Variants in COL24A1 observed in about 807,000 individuals in gnomAD.
The protein encoded by COL24A1 is collagen type XXIV alpha 1 chain, also known as collagen alpha-1(XXIV) chain.
In COL24A1, 224 loss-of-function variants were observed where a neutral mutation model predicts 253.9. The observed-to-expected ratio is 0.88, with a 90% CI of 0.79 to 0.99. The LOEUF (loss-of-function observed/expected upper bound fraction) is 0.99, where lower values mean the gene tolerates loss of function less well. COL24A1 is among the 50% of genes least tolerant of loss of function. The probability of loss-of-function intolerance (pLI) is 0.00; values close to 1 mark genes in which losing one functional copy is unlikely to be tolerated. For missense variants in COL24A1, 2,131 were observed against 2,068.5 expected (o/e 1.03, Z -0.59); for synonymous variants, 685 against 673.7 (o/e 1.02, Z -0.26).
chr1:85,833,713 A>T lies in COL24A1; in HGVS notation c.3681+4872T>A, dbSNP rs1008653875. Among the ~76,000 whole-genome samples the T allele has an allele frequency of 7.0e-4, 107 of 152,124 alleles. 1 individual carries two copies. Among genetic ancestry groups the T allele is most frequent in the Non-Finnish European group, 5.3e-4 (36 of 68,016 alleles). Reference sequence around the variant, plus strand: ...TCACAATAGCAAAGACTTGGAACCAACCCAAATGTCCAACAACGATAGACT... The same window carrying T: ...TCACAATAGCAAAGACTTGGAACCATCCCAAATGTCCAACAACGATAGACT... On this transcript the variant is annotated intron_variant, in intron 43 of 59. Coordinates refer to ENST00000370571, the MANE Select transcript of COL24A1 (RefSeq NM_152890.7).
intron 20 of COL24A1, among the ~76,000 whole-genome samples, chr1:85,973,124 C>T (rs1436477339): frequency 6.6e-6 from 1 of 152,190 alleles, no homozygotes; most frequent in Non-Finnish European, 1.5e-5. Flanking sequence ...TCTACACTGA[C>T]TGGAGGTACA....
intron 8 of COL24A1, among the ~76,000 whole-genome samples, chr1:86,059,968 G>A (rs560339142): frequency 6.6e-5 from 10 of 152,086 alleles, no homozygotes; most frequent in Non-Finnish European, 1.0e-4. Context: ...CCAGAATTGC[G>A]AGAAATTTCT....
At chr1:86,063,078 C>T (rs1324897) in intron 8 of COL24A1, among the ~76,000 whole-genome samples, 88 of 152,132 alleles carry the variant, frequency 5.8e-4, no homozygotes, top group African/African-American at 2.0e-3. Context: ...CACCATAAGA[C>T]ATATGACTTT....
At position 85,908,614 on chromosome 1, in the gene COL24A1, C is replaced by T; in HGVS notation, c.2708G>A (p.Gly903Asp). 6.7e-7 allele frequency: 1 copy of T among 1,484,224 alleles called. No individual in the cohort carries two copies. The highest frequency in any genetic ancestry group is 2.5e-5 in the East Asian group (1 of 40,500). The allele number at this position is 1,484,224 out of a possible 1,614,324, so 91.9% of individuals were successfully genotyped here. A position where few individuals can be genotyped will look rare whatever the true frequency, so the allele number is the denominator to read the frequency against. Reference protein sequence around the residue: ...PGPPGVPGPIGPLGLPGHVGA... With the variant: ...PGPPGVPGPIDPLGLPGHVGA... The stretch of plus-strand genomic sequence containing the variant: ...TGTACTTACAGGTAATCCCAATGGA[C>T]CGATAGGTCCTGGAACCCCAGGAGG... The change falls in exon 27 of 60, where the codon GGT becomes GAT. Residue 903 changes from glycine to aspartate, a missense_variant. Gly to Asp is a moderately conservative substitution (Grantham distance 94, BLOSUM62 -1). Transcript: ENST00000370571.
At chr1:86,095,985 G>A (rs937325068) in intron 5 of COL24A1, among the ~76,000 whole-genome samples, 2 of 152,082 alleles carry the variant, frequency 1.3e-5, no homozygotes, top group African/African-American at 4.8e-5. Context: ...ATTTATCTTA[G>A]ATTAGCATCT....
intron 24 of COL24A1, among the ~76,000 whole-genome samples, chr1:85,938,264 C>T (rs1688406978): frequency 6.8e-6 from 1 of 147,118 alleles, no homozygotes; most frequent in African/African-American, 2.5e-5. Flanking sequence ...CAGTGGAGGA[C>T]TCTGTGCTTT....
At chr1:86,045,428 C>G (rs1278248629) in intron 12 of COL24A1, among the ~76,000 whole-genome samples, 1 of 151,928 alleles carries the variant, frequency 6.6e-6, no homozygotes, top group Non-Finnish European at 1.5e-5. Flanking sequence ...TTTGAAGATA[C>G]AGAATGGAGT....
intron 19 of COL24A1, among the ~76,000 whole-genome samples, chr1:86,014,085 G>A (rs1479403045): frequency 6.6e-6 from 1 of 152,134 alleles, no homozygotes; most frequent in Non-Finnish European, 1.5e-5. Context: ...GTTATGCTGT[G>A]TATAACTCAT....
At chr1:86,117,763 AC>A (rs1706291899) in intron 3 of COL24A1, among the ~76,000 whole-genome samples, 1 of 152,214 alleles carries the variant, frequency 6.6e-6, no homozygotes, top group Admixed American at 6.5e-5. Flanking sequence ...AAGGTTAAGT[AC>A]TAAAAAAGGC....
chr1:85,739,008 G>A (rs950687104), intron 57 of COL24A1, among the ~76,000 whole-genome samples: 44 of 152,134 alleles, frequency 2.9e-4, no homozygotes, highest in African/African-American at 1.0e-3. Flanking sequence ...CTGGTCCAGG[G>A]ATCACATTTG....
At chr1:86,037,403 G>A (rs1308384069) in intron 12 of COL24A1, among the ~76,000 whole-genome samples, 2 of 152,182 alleles carry the variant, frequency 1.3e-5, no homozygotes, top group Non-Finnish European at 1.5e-5. Flanking sequence ...TCTCTTATGA[G>A]TTTGATGAAG....
At position 85,729,698 on chromosome 1, in the gene COL24A1, C is replaced by T. The variant is rs1663291790; in HGVS notation, c.*848G>A. The stretch of plus-strand genomic sequence containing the variant: ...CACAACCCCCAATCTGTACCCCAAA[C>T]CTACTACTAGATGTAGCTGGCCTAT... On this transcript the variant is annotated 3_prime_UTR_variant, in exon 60 of 60. Coordinates refer to ENST00000370571, the MANE Select transcript of COL24A1 (RefSeq NM_152890.7). The T allele has an allele frequency of 1.3e-5, 2 of 152,466 alleles. No homozygotes were observed. The highest frequency in any genetic ancestry group is 2.9e-5 in the Non-Finnish European group (2 of 67,990). The allele number at this position is 152,466 out of a possible 1,614,324, so 9.4% of individuals were successfully genotyped here.
At chr1:86,087,354 C>G (rs942640016) in intron 7 of COL24A1, among the ~76,000 whole-genome samples, 2 of 152,088 alleles carry the variant, frequency 1.3e-5, no homozygotes, top group Non-Finnish European at 2.9e-5. Flanking sequence ...ATAACATGTA[C>G]ACGGGTCTCT....
At chr1:85,953,548 C>T (rs1297574878) in intron 24 of COL24A1, among the ~76,000 whole-genome samples, 1 of 152,178 alleles carries the variant, frequency 6.6e-6, no homozygotes, top group Non-Finnish European at 1.5e-5. Flanking sequence ...TTATCTCTAG[C>T]ACACATTAAG....
At chr1:85,839,206 A>G (rs2102226830) in intron 42 of COL24A1, among the ~76,000 whole-genome samples, 1 of 152,226 alleles carries the variant, frequency 6.6e-6, no homozygotes, top group African/African-American at 2.4e-5. Flanking sequence ...TTCAAACAAC[A>G]ACAGCAGCAA....
chr1:85,885,390 TA>T (rs1204814684), intron 32 of COL24A1, among the ~76,000 whole-genome samples: 18 of 90,944 alleles, frequency 2.0e-4, no homozygotes, highest in African/African-American at 4.6e-4. Flanking sequence ...TATATATATA[TA>T]TATATATTTT....
rs116677772 is a variant in COL24A1, at chr1:85,956,486, G to C, written c.2562+4763C>G. ...AGACAGGAGGCAGAAAAACAGAGAGGACACAGTAGATTTCTCATGAAATCT... is the reference window on the plus strand; with the variant it reads ...AGACAGGAGGCAGAAAAACAGAGAGCACACAGTAGATTTCTCATGAAATCT... On this transcript the variant is annotated intron_variant, in intron 24 of 59. Coordinates refer to ENST00000370571, the MANE Select transcript of COL24A1 (RefSeq NM_152890.7). 6.1e-3 allele frequency among the ~76,000 whole-genome samples: 922 copies of C among 152,284 alleles called. 14 individuals carry two copies. The highest frequency in any genetic ancestry group is 6.0e-3 in the Non-Finnish European group (410 of 68,022).
At position 85,729,387 on chromosome 1, in the gene COL24A1, A is replaced by G. The variant is rs1663257338; in HGVS notation, c.*1159T>C. On this transcript the variant is annotated 3_prime_UTR_variant, in exon 60 of 60. Transcript: ENST00000370571. ...AATATTTCTCTGATAACAAGGAGAC[A>G]TTGAACTGGCTGAGCCTATTTTAAA... The G allele has an allele frequency of 6.6e-6, 1 of 152,050 alleles. No homozygotes were observed. The highest frequency in any genetic ancestry group is 2.1e-4 in the South Asian group (1 of 4,816). The allele number at this position is 152,050 out of a possible 1,614,324, so 9.4% of individuals were successfully genotyped here.
Position 85,971,329 on chromosome 1 carries a change from T to G in COL24A1, c.2418+11A>C, listed in dbSNP as rs1571420513. 1 of 1,610,392 alleles carries G rather than the reference T, an allele frequency of 6.2e-7. No individual in the cohort carries two copies. Among genetic ancestry groups the G allele is most frequent in the Admixed American group, 1.7e-5 (1 of 59,294 alleles). Reference sequence around the variant, plus strand: ...CTTGCTGAAGCTGACTGGATATCACTTCTTCCATACCTGAGTTCCTTTGAG... The same window carrying G: ...CTTGCTGAAGCTGACTGGATATCACGTCTTCCATACCTGAGTTCCTTTGAG... On this transcript the variant is annotated intron_variant, in intron 21 of 59. Coordinates refer to ENST00000370571, the MANE Select transcript of COL24A1 (RefSeq NM_152890.7).
Sources: gnomAD v4.1 joint callset for allele counts (sites outside exome capture counted in the v4.1 genomes callset) on GRCh38, gnomAD v4.1.1 for gene constraint, MANE v1.5 for transcripts, NCBI Gene and HGNC (gene_info 2026-07-23, HGNC 2026-07-21) for gene names.